Variants in ST6GALNAC3 observed in about 807,000 individuals in gnomAD.
The protein encoded by ST6GALNAC3 is ST6 N-acetylgalactosaminide alpha-2,6-sialyltransferase 3, also known as alpha-N-acetylgalactosaminide alpha-2,6-sialyltransferase 3.
A neutral mutation model predicts 32.7 loss-of-function variants in ST6GALNAC3; 25 were observed. The ratio of observed to expected loss-of-function variants is 0.76; its 90% CI spans 0.56 to 1.07. The LOEUF (loss-of-function observed/expected upper bound fraction) is 1.07. Ranked by LOEUF, ST6GALNAC3 falls within the 50% of genes least tolerant of loss-of-function variation. The probability of loss-of-function intolerance (pLI) is 0.00; values close to 1 mark genes in which losing one functional copy is unlikely to be tolerated. For missense variants in ST6GALNAC3, 355 were observed against 382.4 expected (o/e 0.93, Z 0.60); for synonymous variants, 129 against 133.1 (o/e 0.97, Z 0.21).
intron 1 of ST6GALNAC3, among the ~76,000 whole-genome samples, chr1:76,095,603 C>T (rs968805993): frequency 6.6e-6 from 1 of 152,158 alleles, no homozygotes; most frequent in Non-Finnish European, 1.5e-5. Flanking sequence ...GCAAAGCTGC[C>T]TACTTGTAGG....
chr1:76,393,938 T>C (rs1375204002), intron 2 of ST6GALNAC3, among the ~76,000 whole-genome samples: 1 of 152,152 alleles, frequency 6.6e-6, no homozygotes. Context: ...CTAGGGTATG[T>C]GGTTTGGAAG....
At chr1:76,290,240 C>T (rs1430397618) in intron 1 of ST6GALNAC3, among the ~76,000 whole-genome samples, 1 of 152,202 alleles carries the variant, frequency 6.6e-6, no homozygotes, top group East Asian at 1.9e-4. Flanking sequence ...TTCATTTATG[C>T]TCAGGTAAGA....
chr1:76,128,915 T>G (rs192059657), intron 1 of ST6GALNAC3, among the ~76,000 whole-genome samples: 5 of 152,104 alleles, frequency 3.3e-5, no homozygotes, highest in Admixed American at 2.6e-4. Context: ...CCTGAATACT[T>G]GATGTACACA....
intron 2 of ST6GALNAC3, among the ~76,000 whole-genome samples, chr1:76,375,814 G>C (rs576733740): frequency 2.5e-4 from 38 of 152,332 alleles, no homozygotes; most frequent in African/African-American, 7.9e-4. Flanking sequence ...ATACTATGCA[G>C]CTATTAAAAC....
At chr1:76,521,117 C>A (rs551910756) in intron 3 of ST6GALNAC3, among the ~76,000 whole-genome samples, 1 of 151,874 alleles carries the variant, frequency 6.6e-6, no homozygotes, top group Non-Finnish European at 1.5e-5. Context: ...TGTCTTATTA[C>A]AGCTTAATTC....
intron 1 of ST6GALNAC3, among the ~76,000 whole-genome samples, chr1:76,295,343 CTTTG>C (rs1184107776): frequency 1.3e-5 from 2 of 151,986 alleles, no homozygotes; most frequent in African/African-American, 4.8e-5. Flanking sequence ...GTGTATTATG[CTTTG>C]TTTGGAAATG....
chr1:76,315,909 A>G (rs1302537030), intron 2 of ST6GALNAC3, among the ~76,000 whole-genome samples: 1 of 152,130 alleles, frequency 6.6e-6, no homozygotes, highest in Non-Finnish European at 1.5e-5. Flanking sequence ...GTTCAGTATG[A>G]ATAACATCAA....
intron 3 of ST6GALNAC3, among the ~76,000 whole-genome samples, chr1:76,441,839 A>G (rs1383479866): frequency 6.6e-6 from 1 of 152,156 alleles, no homozygotes; most frequent in African/African-American, 2.4e-5. Flanking sequence ...ATTAGCAGCA[A>G]ATCTGGTTCT....
chr1:76,605,895 G>A (rs1355197251), intron 3 of ST6GALNAC3, among the ~76,000 whole-genome samples: 1 of 132,758 alleles, frequency 7.5e-6, no homozygotes, highest in Non-Finnish European at 1.6e-5. Context: ...AAAAAGGATG[G>A]GCAAAGGACA....
intron 1 of ST6GALNAC3, among the ~76,000 whole-genome samples, chr1:76,125,581 C>A (rs1649188685): frequency 6.6e-6 from 1 of 152,186 alleles, no homozygotes; most frequent in Admixed American, 6.5e-5. Context: ...GAAAGAACCA[C>A]AAAGCATCCT....
intron 1 of ST6GALNAC3, among the ~76,000 whole-genome samples, chr1:76,278,144 A>G (rs1355178045): frequency 7.3e-6 from 1 of 137,244 alleles, no homozygotes; most frequent in Non-Finnish European, 1.5e-5. Flanking sequence ...AAATCTACTT[A>G]TTTAGATCTT....
rs183771143 is a variant in ST6GALNAC3, at chr1:76,115,630, C to G, written c.18+40746C>G. On this transcript the variant is annotated intron_variant, in intron 1 of 4. Coordinates refer to ENST00000328299, the MANE Select transcript of ST6GALNAC3 (RefSeq NM_152996.4). ...GGGGATGGGAACATGTATTTGGCTT[C>G]TTTGAGTACAGAAATTCTGCTTCTT... Among the ~76,000 whole-genome samples the G allele has an allele frequency of 2.0e-3, 306 of 152,118 alleles. 7 individuals carry two copies. The highest frequency in any genetic ancestry group is 7.1e-3 in the African/African-American group (296 of 41,506).
At chr1:76,541,127 A>T (rs895131960) in intron 3 of ST6GALNAC3, among the ~76,000 whole-genome samples, 8 of 152,178 alleles carry the variant, frequency 5.3e-5, no homozygotes, top group Non-Finnish European at 1.0e-4. Flanking sequence ...CAGTAAAGAG[A>T]TCAGCATTCC....
intron 2 of ST6GALNAC3, among the ~76,000 whole-genome samples, chr1:76,377,012 C>T (rs966228683): frequency 2.6e-5 from 4 of 151,932 alleles, no homozygotes; most frequent in Admixed American, 2.6e-4. Flanking sequence ...TTTGTCTTAC[C>T]TACAAGTTAA....
At chr1:76,140,629 CTT>C (rs55680590) in intron 1 of ST6GALNAC3, among the ~76,000 whole-genome samples, 16,144 of 119,246 alleles carry the variant, frequency 0.14, 942 homozygotes, top group Non-Finnish European at 0.15. Flanking sequence ...TTCTTTCTTT[CTT>C]TTTTTTTTTT....
At chr1:76,253,588 G>T (rs758055538) in intron 1 of ST6GALNAC3, among the ~76,000 whole-genome samples, 5 of 152,084 alleles carry the variant, frequency 3.3e-5, no homozygotes, top group Non-Finnish European at 7.4e-5. Flanking sequence ...ATTCAGTCAC[G>T]TAGATCATTC....
At chr1:76,548,489 C>CACCCCAGCATCACTTCCAT (rs1664428112) in intron 3 of ST6GALNAC3, among the ~76,000 whole-genome samples, 1 of 152,082 alleles carries the variant, frequency 6.6e-6, no homozygotes, top group Admixed American at 6.6e-5. Context: ...ATATATGCTT[C>CACCCCAGCATCACTTCCAT]ACCCCAGCAT....
At chr1:76,373,044 G>T (rs1238469082) in intron 2 of ST6GALNAC3, among the ~76,000 whole-genome samples, 1 of 152,106 alleles carries the variant, frequency 6.6e-6, no homozygotes, top group African/African-American at 2.4e-5. Flanking sequence ...TGATCCTCCT[G>T]CTTCAACCTC....
chr1:76,194,801 G>T (rs1654100665), intron 1 of ST6GALNAC3, among the ~76,000 whole-genome samples: 1 of 152,144 alleles, frequency 6.6e-6, no homozygotes, highest in Admixed American at 6.5e-5. Flanking sequence ...ACTCCAATTG[G>T]TAGTTTTCTA....
Sources: gnomAD v4.1 joint callset for allele counts (sites outside exome capture counted in the v4.1 genomes callset) on GRCh38, gnomAD v4.1.1 for gene constraint, MANE v1.5 for transcripts, NCBI Gene and HGNC (gene_info 2026-07-23, HGNC 2026-07-21) for gene names.